Variants in ADGB observed in about 807,000 individuals in gnomAD.
ADGB encodes androglobin.
ADGB carries 172 observed loss-of-function variants against 210.5 expected under a neutral mutation model. That is an observed-to-expected ratio of 0.82 (90% CI 0.72 to 0.93). ADGB has a LOEUF of 0.93. Among genes scored for constraint, ADGB ranks in the 40% least tolerant of loss-of-function variants. ADGB has a pLI of 0.00. For synonymous variants in ADGB, 658 were observed against 662.7 expected (o/e 0.99, Z 0.11); for missense variants, 2,025 against 1,964.8 (o/e 1.03, Z -0.58).
At position 146,666,870 on chromosome 6, in the gene ADGB, C is replaced by A; in HGVS notation, c.807C>A (p.Leu269=). Residue 269 remains leucine (L), a synonymous_variant, in exon 7 of 36, where the codon CTC becomes CTA. Coordinates refer to ENST00000397944, the MANE Select transcript of ADGB (RefSeq NM_024694.4). ...GGGAGTTCACGGTTATTCATGCGCT[C>A]ACAGGATGGTTACCAGAAGTCATTT... The part of the protein sequence containing the change: ...ELGEFTVIHA[L]TGWLPEVISL... 6.5e-7 allele frequency: 1 copy of A among 1,546,798 alleles called. No homozygotes were observed.
intron 2 of ADGB, among the ~76,000 whole-genome samples, chr6:146,635,998 A>G (rs1282697662): frequency 6.6e-6 from 1 of 152,054 alleles, no homozygotes; most frequent in East Asian, 1.9e-4. Flanking sequence ...AGATATGTGA[A>G]TAAAGATCCT....
At position 146,691,157 on chromosome 6, in the gene ADGB, C is replaced by T. The variant is rs1776300709; in HGVS notation, c.1353C>T (p.His451=). ...AEKLREYGLS[H]ICSHPVLVTR... The stretch of plus-strand genomic sequence containing the variant: ...AACTTAGAGAATATGGGCTTTCCCA[C>T]ATCTGTAGCCATCCTGTGCTGGTGA... The change falls in exon 11 of 36, where the codon CAC becomes CAT. Residue 451 remains histidine (H), a synonymous_variant. Transcript: ENST00000397944. 6 of 1,548,672 alleles carry T rather than the reference C, an allele frequency of 3.9e-6. No homozygotes were observed. The highest frequency in any genetic ancestry group is 1.4e-5 in the African/African-American group (1 of 72,752).
At chr6:146,724,741 A>G (rs1293176783) in intron 18 of ADGB, 1 of 152,260 alleles carries the variant, frequency 6.6e-6, no homozygotes, top group Admixed American at 6.5e-5. Flanking sequence ...TTAAATGCAA[A>G]TTGAGAAATA....
At chr6:146,796,172 A>G (rs1396381608) in intron 33 of ADGB, among the ~76,000 whole-genome samples, 1 of 152,154 alleles carries the variant, frequency 6.6e-6, no homozygotes, top group African/African-American at 2.4e-5. Flanking sequence ...AAAACTATAA[A>G]ACACTGCTGG....
chr6:146,787,507 A>C (rs145495187), intron 32 of ADGB, among the ~76,000 whole-genome samples: 1 of 139,926 alleles, frequency 7.1e-6, no homozygotes, highest in East Asian at 2.1e-4. Context: ...GGTTCAACTT[A>C]CTGGAATAAG....
chr6:146,815,005 T>C (rs573252814), intron 35 of ADGB, 27 bp from the exon 36 acceptor site: 241 of 1,519,724 alleles, frequency 1.6e-4, no homozygotes, highest in Non-Finnish European at 2.0e-4. Flanking sequence ...GTGGAACTTA[T>C]TTGTTTGGGG....
At chr6:146,771,784 G>A (rs1777656879) in intron 29 of ADGB, among the ~76,000 whole-genome samples, 1 of 152,160 alleles carries the variant, frequency 6.6e-6, no homozygotes, top group Non-Finnish European at 1.5e-5. Context: ...TAAAGAAACA[G>A]CACAGTTTTG....
At chr6:146,636,923 G>A (rs1422221230) in intron 2 of ADGB, among the ~76,000 whole-genome samples, 1 of 152,008 alleles carries the variant, frequency 6.6e-6, no homozygotes. Context: ...TAGTCATCAG[G>A]AAATCAGCCT....
chr6:146,784,589 G>A (rs1777846384), intron 30 of ADGB, 29 bp from the exon 31 acceptor site: 2 of 1,472,532 alleles, frequency 1.4e-6, no homozygotes. Flanking sequence ...AGGAAAGCAT[G>A]CAAAACCCAA....
intron 35 of ADGB, among the ~76,000 whole-genome samples, chr6:146,813,007 G>A (rs1778324938): frequency 6.6e-6 from 1 of 152,156 alleles, no homozygotes; most frequent in African/African-American, 2.4e-5. Context: ...TGGGGGATCT[G>A]AGATTTTTAT....
At position 146,694,065 on chromosome 6, in the gene ADGB, G is replaced by A. The variant is rs114931680; in HGVS notation, c.1577+1150G>A. Among the ~76,000 whole-genome samples, 1,062 of 152,026 alleles carry A rather than the reference G, an allele frequency of 7.0e-3. 11 individuals are homozygous for A. Among genetic ancestry groups the A allele is most frequent in the African/African-American group, 0.024 (980 of 41,466 alleles). On this transcript the variant is annotated intron_variant, in intron 12 of 35. Transcript: ENST00000397944. Reference sequence around the variant, plus strand: ...TTTCCAGAATCATCTTTAAAGGTCCGTTCATGGCAATGTAGGCTTTCTTTA... The same window carrying A: ...TTTCCAGAATCATCTTTAAAGGTCCATTCATGGCAATGTAGGCTTTCTTTA...
At chr6:146,715,815 A>T (rs1334145982) in intron 14 of ADGB, among the ~76,000 whole-genome samples, 2 of 152,142 alleles carry the variant, frequency 1.3e-5, no homozygotes, top group South Asian at 4.1e-4. Flanking sequence ...CACGCATGTA[A>T]TCTCAGCACT....
intron 13 of ADGB, among the ~76,000 whole-genome samples, chr6:146,713,645 C>T (rs1776689709): frequency 1.3e-5 from 2 of 152,100 alleles, no homozygotes; most frequent in South Asian, 4.1e-4. Flanking sequence ...CTTGTATTTT[C>T]CCTTTATCAG....
intron 11 of ADGB, 110 bp from the exon 12 acceptor site, chr6:146,692,715 G>A: frequency 2.0e-6 from 1 of 496,552 alleles, no homozygotes; most frequent in East Asian, 3.2e-5. Context: ...ATTGAAATTT[G>A]CTGAGTAAAT....
chr6:146,733,885 C>A lies in ADGB; in HGVS notation c.2657-8C>A. On this transcript the variant is annotated splice_region_variant and splice_polypyrimidine_tract_variant and intron_variant, in intron 21 of 35. Coordinates refer to ENST00000397944, the MANE Select transcript of ADGB (RefSeq NM_024694.4). ...CTTTCAGTCCAAAGTTTGTTTTTCCCTTTCCAGTGGAATGGCTGGACGTTA... is the reference window on the plus strand; with the variant it reads ...CTTTCAGTCCAAAGTTTGTTTTTCCATTTCCAGTGGAATGGCTGGACGTTA... 1 of 1,551,324 alleles carries A rather than the reference C, an allele frequency of 6.4e-7. No individual in the cohort carries two copies. The highest frequency in any genetic ancestry group is 8.7e-7 in the Non-Finnish European group (1 of 1,146,876).
chr6:146,729,616 A>G lies in ADGB; in HGVS notation c.2520+875A>G, dbSNP rs145743953. Among the ~76,000 whole-genome samples the G allele has an allele frequency of 2.8e-3, 430 of 152,086 alleles. 2 individuals are homozygous for G. The highest frequency in any genetic ancestry group is 0.01 in the African/African-American group (415 of 41,470). On this transcript the variant is annotated intron_variant, in intron 20 of 35. Coordinates refer to ENST00000397944, the MANE Select transcript of ADGB (RefSeq NM_024694.4). Reference sequence around the variant, plus strand: ...CACCTGGCTAATTAAAAATAAACAAACAAAAATTGAAGAGATGGGGTCTCA... The same window carrying G: ...CACCTGGCTAATTAAAAATAAACAAGCAAAAATTGAAGAGATGGGGTCTCA...
At chr6:146,716,741 A>G (rs1479545170) in intron 14 of ADGB, 142 bp from the exon 15 acceptor site, 8 of 696,504 alleles carry the variant, frequency 1.1e-5, no homozygotes, top group Admixed American at 3.3e-5. Flanking sequence ...GTGGACCTCC[A>G]TAAATGTATG....
chr6:146,658,586 T>A (rs1775815276), intron 5 of ADGB, among the ~76,000 whole-genome samples: 1 of 152,180 alleles, frequency 6.6e-6, no homozygotes, highest in African/African-American at 2.4e-5. Context: ...CTTCCTGACA[T>A]CCCTCCTTGG....
chr6:146,757,847 G>A (rs1447535566), intron 27 of ADGB, among the ~76,000 whole-genome samples: 1 of 151,886 alleles, frequency 6.6e-6, no homozygotes, highest in Non-Finnish European at 1.5e-5. Context: ...ATTAACCTTG[G>A]AAATAACGTG....
Sources: gnomAD v4.1 joint callset for allele counts (sites outside exome capture counted in the v4.1 genomes callset) on GRCh38, gnomAD v4.1.1 for gene constraint, MANE v1.5 for transcripts, NCBI Gene and HGNC (gene_info 2026-07-23, HGNC 2026-07-21) for gene names.